Variants in NRG1 observed in about 807,000 individuals in gnomAD.
The protein encoded by NRG1 is neuregulin 1.
Under a neutral mutation model 63.8 loss-of-function variants are expected in NRG1, and 18 were observed. That is an observed-to-expected ratio of 0.28 (90% CI 0.19 to 0.42). NRG1 has a LOEUF of 0.42. Ranked by LOEUF, NRG1 falls within the 10% of genes least tolerant of loss-of-function variation. The pLI is 1.00. For missense variants in NRG1, 762 were observed against 814.7 expected (o/e 0.94, Z 0.79); for synonymous variants, 302 against 301.3 (o/e 1.00, Z -0.02).
intron 1 of NRG1, among the ~76,000 whole-genome samples, chr8:31,865,545 G>A (rs1236042685): frequency 6.6e-6 from 1 of 152,040 alleles, no homozygotes; most frequent in Non-Finnish European, 1.5e-5. Context: ...ATCATGGGGG[G>A]CAGTTACCTC....
intron 1 of NRG1, among the ~76,000 whole-genome samples, chr8:32,240,735 G>A (rs1327648255): frequency 6.6e-6 from 1 of 151,868 alleles, no homozygotes; most frequent in Non-Finnish European, 1.5e-5. Flanking sequence ...AAAATGCTTT[G>A]TCCTATACAT....
chr8:32,303,183 C>CAAAAAAAAA (rs1563291349), intron 1 of NRG1, among the ~76,000 whole-genome samples: 9 of 59,700 alleles, frequency 1.5e-4, no homozygotes, highest in Admixed American at 2.5e-4. Flanking sequence ...AACTCAGTCT[C>CAAAAAAAAA]CAAAAAAAAA....
chr8:32,548,175 CG>C (rs1833318641), upstream of NRG1: 14 of 954,068 alleles, frequency 1.5e-5, no homozygotes, highest in Non-Finnish European at 1.5e-5. Context: ...GTCCGCGCCT[CG>C]GGGTGGGGGT....
At chr8:32,245,151 GTTC>G (rs1393837799) in intron 1 of NRG1, among the ~76,000 whole-genome samples, 3 of 152,124 alleles carry the variant, frequency 2.0e-5, no homozygotes, top group Admixed American at 2.0e-4. Flanking sequence ...GCAGTGGTGA[GTTC>G]TTCAAAGTTT....
At chr8:32,185,720 A>G (rs983680188) in intron 1 of NRG1, among the ~76,000 whole-genome samples, 13 of 152,170 alleles carry the variant, frequency 8.5e-5, no homozygotes, top group African/African-American at 3.1e-4. Context: ...CTCTAGTCAC[A>G]CTTTGTCATG....
At chr8:32,464,554 C>T (rs1487417708) in intron 1 of NRG1, among the ~76,000 whole-genome samples, 1 of 152,062 alleles carries the variant, frequency 6.6e-6, no homozygotes, top group East Asian at 1.9e-4. Context: ...AATGTGAGAG[C>T]TTGTTTCATT....
At chr8:32,142,500 T>G (rs1836393878) in intron 1 of NRG1, among the ~76,000 whole-genome samples, 1 of 152,214 alleles carries the variant, frequency 6.6e-6, no homozygotes, top group Non-Finnish European at 1.5e-5. Flanking sequence ...AGGCCAAATC[T>G]ACAAGCATTA....
chr8:32,637,890 A>C (rs1467503902), intron 5 of NRG1, among the ~76,000 whole-genome samples: 3 of 152,086 alleles, frequency 2.0e-5, no homozygotes, highest in Non-Finnish European at 4.4e-5. Flanking sequence ...CATTAAGTAG[A>C]GTTGTGACCA....
chr8:31,864,099 G>A (rs1434501411), intron 1 of NRG1, among the ~76,000 whole-genome samples: 1 of 152,128 alleles, frequency 6.6e-6, no homozygotes, highest in Non-Finnish European at 1.5e-5. Flanking sequence ...ACCCTTGATG[G>A]TATCTAGTCT....
intron 1 of NRG1, among the ~76,000 whole-genome samples, chr8:32,299,491 C>G (rs1053952277): frequency 2.6e-5 from 4 of 152,062 alleles, no homozygotes; most frequent in South Asian, 2.1e-4. Flanking sequence ...TCAAGTAGAG[C>G]AATTCCTGGG....
intron 1 of NRG1, among the ~76,000 whole-genome samples, chr8:32,070,904 G>A (rs552089614): frequency 1.2e-4 from 19 of 152,196 alleles, no homozygotes; most frequent in Admixed American, 9.2e-4. Context: ...TCACATTCCT[G>A]CACTAACCTC....
intron 5 of NRG1, among the ~76,000 whole-genome samples, chr8:32,702,155 T>C (rs1355152267): frequency 6.6e-6 from 1 of 152,188 alleles, no homozygotes; most frequent in Admixed American, 6.5e-5. Flanking sequence ...AAAAAATCGA[T>C]AGGAAATGGA....
In NRG1 at chr8:32,724,170, C is replaced by A. The variant is rs184577991; in HGVS notation, c.503-3779C>A. Reference sequence around the variant, plus strand: ...TGGGATAAAGTGGTCACATAAATGGCAAACATCAAAGTAATGTCAGATTTT... The same window carrying A: ...TGGGATAAAGTGGTCACATAAATGGAAAACATCAAAGTAATGTCAGATTTT... On this transcript the variant is annotated intron_variant, in intron 5 of 11. Transcript: ENST00000356819. 4.0e-3 allele frequency among the ~76,000 whole-genome samples: 604 copies of A among 152,256 alleles called. 5 individuals carry two copies. Among genetic ancestry groups the A allele is most frequent in the Non-Finnish European group, 4.7e-3 (322 of 68,022 alleles).
rs1401083340 is a variant in NRG1, at chr8:31,640,667, C to T, written c.37+1236C>T. Reference sequence around the variant, plus strand: ...CCGGCCGCCTTCCGAGCCTCTTTCCCCCCTCTGGAGACGGGCCGGAACCTC... The same window carrying T: ...CCGGCCGCCTTCCGAGCCTCTTTCCTCCCTCTGGAGACGGGCCGGAACCTC... On this transcript the variant is annotated intron_variant, in intron 1 of 10. Coordinates refer to the NRG1 transcript ENST00000519301. This position sits in a 1 kb window ranked among gnomAD's most constrained non-coding sequence, Gnocchi z 6.3. 8 of 1,608,120 alleles carry T rather than the reference C, an allele frequency of 5.0e-6. No individual in the cohort carries two copies. The highest frequency in any genetic ancestry group is 1.3e-5 in the African/African-American group (1 of 74,528).
At chr8:32,694,980 C>T (rs575628992) in intron 5 of NRG1, among the ~76,000 whole-genome samples, 17 of 152,140 alleles carry the variant, frequency 1.1e-4, no homozygotes, top group African/African-American at 2.4e-4. Flanking sequence ...ACTGATGATG[C>T]GAAAGGTGAG....
intron 1 of NRG1, among the ~76,000 whole-genome samples, chr8:31,712,190 T>C (rs1335270292): frequency 1.3e-5 from 2 of 151,828 alleles, no homozygotes; most frequent in Non-Finnish European, 2.9e-5. Flanking sequence ...CACGCTATTA[T>C]TTCTTGAGCT....
chr8:32,083,840 A>T (rs1000192538), intron 1 of NRG1, among the ~76,000 whole-genome samples: 17 of 152,152 alleles, frequency 1.1e-4, no homozygotes, highest in African/African-American at 3.9e-4. Context: ...TTTACATTTC[A>T]TGTAGACCAT....
chr8:32,556,556 A>G (rs17646936), intron 1 of NRG1, among the ~76,000 whole-genome samples: 41,308 of 152,148 alleles, frequency 0.27, 7,217 homozygotes, highest in East Asian at 0.79. Flanking sequence ...AAGATTGCTG[A>G]ATAATCCTGG....
exon 8 of NRG1, chr8:32,754,424 C>T (rs200031291): frequency 3.6e-5 from 58 of 1,613,896 alleles, no homozygotes; most frequent in Non-Finnish European, 4.5e-5. Context: ...GCATCTGCAT[C>T]GCCCTCCTTG....
Sources: allele counts gnomAD v4.1 joint callset (sites outside exome capture counted in the v4.1 genomes callset), GRCh38; gene constraint gnomAD v4.1.1; non-coding constraint Gnocchi (gnomAD v3.1); transcripts MANE v1.5; gene names NCBI Gene and HGNC (gene_info 2026-07-23, HGNC 2026-07-21).